COL24A1: variants seen among roughly 807,000 people sequenced by gnomAD.
COL24A1 encodes collagen alpha-1(XXIV) chain.
In COL24A1, 224 loss-of-function variants were observed where a neutral mutation model predicts 253.9. The ratio of observed to expected loss-of-function variants is 0.88; its 90% CI spans 0.79 to 0.99. COL24A1 has a LOEUF of 0.99. COL24A1 is among the 50% of genes least tolerant of loss of function. COL24A1 has a pLI of 0.00. For synonymous variants in COL24A1, 685 were observed against 673.7 expected, an observed-to-expected ratio of 1.02 and a Z score of -0.26; for missense variants, 2,131 against 2,068.5, an observed-to-expected ratio of 1.03 and a Z score of -0.59.
chr1:86,139,450 T>C (rs962402098), intron 2 of COL24A1, among the ~76,000 whole-genome samples: 3 of 152,190 alleles, frequency 2.0e-5, no homozygotes, highest in African/African-American at 7.2e-5. Context: ...TATTCAGCGA[T>C]AGTCTATCAC....
At chr1:86,015,247 C>G (rs762923740) in intron 19 of COL24A1, among the ~76,000 whole-genome samples, 1 of 152,084 alleles carries the variant, frequency 6.6e-6, no homozygotes, top group Non-Finnish European at 1.5e-5. Context: ...CAGTTCTTGA[C>G]AGAGTACAGG....
chr1:85,920,896 A>G (rs1231099253), intron 24 of COL24A1, among the ~76,000 whole-genome samples: 1 of 152,020 alleles, frequency 6.6e-6, no homozygotes, highest in Admixed American at 6.6e-5. Flanking sequence ...ACAAGAAGGG[A>G]ATCTAATGAA....
chr1:85,862,427 G>A (rs896320461), intron 37 of COL24A1, among the ~76,000 whole-genome samples: 16 of 25,952 alleles, frequency 6.2e-4, no homozygotes, highest in Non-Finnish European at 1.3e-3. Context: ...GAAAATCTAC[G>A]TTAAAAATCT....
intron 55 of COL24A1, among the ~76,000 whole-genome samples, chr1:85,760,590 T>C (rs1666754119): frequency 6.6e-6 from 1 of 151,294 alleles, no homozygotes; most frequent in South Asian, 2.1e-4. Flanking sequence ...CTAGCAGAGA[T>C]CTAAATGACA....
intron 20 of COL24A1, among the ~76,000 whole-genome samples, chr1:85,983,068 A>G (rs1693402458): frequency 6.6e-6 from 1 of 152,024 alleles, no homozygotes; most frequent in South Asian, 2.1e-4. Context: ...TCCATATATT[A>G]CACAACATAA....
At chr1:86,101,423 G>A (rs572927178) in intron 5 of COL24A1, among the ~76,000 whole-genome samples, 46 of 152,234 alleles carry the variant, frequency 3.0e-4, no homozygotes, top group African/African-American at 1.1e-3. Context: ...CCAGTACTGT[G>A]TTGAATAGAA....
chr1:85,848,989 C>G (rs566796572), intron 38 of COL24A1, among the ~76,000 whole-genome samples: 1 of 152,144 alleles, frequency 6.6e-6, no homozygotes, highest in Non-Finnish European at 1.5e-5. Context: ...ATTATAGTTA[C>G]ATTCTCTTCC....
chr1:85,811,774 T>C (rs1672570398), intron 47 of COL24A1, among the ~76,000 whole-genome samples: 1 of 152,220 alleles, frequency 6.6e-6, no homozygotes, highest in Admixed American at 6.5e-5. Flanking sequence ...AAATGTCTAT[T>C]CAAGTATTTT....
intron 43 of COL24A1, among the ~76,000 whole-genome samples, chr1:85,828,832 G>T (rs2102064318): frequency 6.8e-6 from 1 of 146,604 alleles, no homozygotes; most frequent in East Asian, 2.0e-4. Flanking sequence ...CACATGAGAT[G>T]GGTTTCCTGA....
chr1:85,780,384 C>T (rs1181166810), intron 52 of COL24A1, among the ~76,000 whole-genome samples: 1 of 152,154 alleles, frequency 6.6e-6, no homozygotes, highest in East Asian at 1.9e-4. Flanking sequence ...ACCCTTTCTA[C>T]TGTGCTCCTT....
intron 3 of COL24A1, among the ~76,000 whole-genome samples, chr1:86,120,657 G>A (rs985090123): frequency 6.6e-5 from 10 of 152,338 alleles, no homozygotes; most frequent in African/African-American, 2.4e-4. Flanking sequence ...TGCTGTAGAG[G>A]ATGTGGAGAA....
At chr1:85,895,413 T>A (rs1374945476) in intron 31 of COL24A1, among the ~76,000 whole-genome samples, 1 of 152,192 alleles carries the variant, frequency 6.6e-6, no homozygotes, top group African/African-American at 2.4e-5. Context: ...AGTTAGTTAT[T>A]ATGTTAGCTT....
intron 5 of COL24A1, among the ~76,000 whole-genome samples, chr1:86,100,867 AT>A (rs2102043098): frequency 6.6e-6 from 1 of 152,226 alleles, no homozygotes; most frequent in South Asian, 2.1e-4. Flanking sequence ...CCCATCCCCA[AT>A]TCTTTGCCTT....
chr1:85,738,226 G>A (rs571795871), intron 57 of COL24A1, among the ~76,000 whole-genome samples: 5 of 152,150 alleles, frequency 3.3e-5, no homozygotes, highest in Admixed American at 1.3e-4. Context: ...TGTTTCAAAC[G>A]AACATTTTGT....
chr1:85,762,285 T>A (rs934797878), intron 53 of COL24A1, among the ~76,000 whole-genome samples: 15 of 152,330 alleles, frequency 9.8e-5, no homozygotes, highest in African/African-American at 3.6e-4. Flanking sequence ...AAGTTTTGGA[T>A]AATGTTGACA....
At chr1:85,847,557 A>G in intron 39 of COL24A1, 108 bp downstream of exon 39, 2 of 729,032 alleles carry the variant, frequency 2.7e-6, no homozygotes. Context: ...TTTCAATGGA[A>G]CTATTGCTTT....
intron 2 of COL24A1, among the ~76,000 whole-genome samples, chr1:86,136,948 A>C (rs1650348325): frequency 6.6e-6 from 1 of 151,792 alleles, no homozygotes; most frequent in Non-Finnish European, 1.5e-5. Flanking sequence ...AAGAACACTT[A>C]AGGGTAGAAG....
chr1:85,775,607 C>T lies in COL24A1; in HGVS notation c.4374+67G>A, dbSNP rs1418030484. The T allele has an allele frequency of 1.5e-5, 19 of 1,288,332 alleles. No individual in the cohort carries two copies. In the Admixed American group the frequency reaches 3.5e-4, roughly 24 times the overall value. 79.8% of individuals were successfully genotyped at this position (1,288,332 alleles called of 1,614,324 possible). A position where few individuals can be genotyped will look rare whatever the true frequency, so the allele number is the denominator to read the frequency against. ...TAATAATGGATAACTCTAACAGGGTCCTTGCTTTCATGGAGCTTATAGCCT... is the reference window on the plus strand; with the variant it reads ...TAATAATGGATAACTCTAACAGGGTTCTTGCTTTCATGGAGCTTATAGCCT... On this transcript the variant is annotated intron_variant, in intron 53 of 59. Coordinates refer to ENST00000370571, the MANE Select transcript of COL24A1 (RefSeq NM_152890.7).
chr1:85,941,319 C>G (rs1571306015), intron 24 of COL24A1, among the ~76,000 whole-genome samples: 1 of 152,024 alleles, frequency 6.6e-6, no homozygotes, highest in East Asian at 1.9e-4. Context: ...ATGCCTCCCC[C>G]CACTGTCAAT....
Sources: allele counts gnomAD v4.1 joint callset (sites outside exome capture counted in the v4.1 genomes callset), GRCh38; gene constraint gnomAD v4.1.1; transcripts MANE v1.5; gene names NCBI Gene and HGNC (gene_info 2026-07-23, HGNC 2026-07-21).